ARAP2: variants seen among roughly 807,000 people sequenced by gnomAD.
The protein encoded by ARAP2 is ArfGAP with RhoGAP domain, ankyrin repeat and PH domain 2.
In ARAP2, 148 loss-of-function variants were observed where a neutral mutation model predicts 194.5. The ratio of observed to expected loss-of-function variants is 0.76; its 90% confidence interval spans 0.67 to 0.87. The LOEUF is 0.87. Ranked by LOEUF, ARAP2 falls within the 40% of genes least tolerant of loss-of-function variation. The pLI is 0.00. For synonymous variants in ARAP2, 695 were observed against 683.5 expected (o/e 1.02, Z -0.26); for missense variants, 2,128 against 1,989.7 (o/e 1.07, Z -1.32).
chr4:36,012,023 C>G (rs939365230), intron 9 of ARAP2, among the ~76,000 whole-genome samples: 2 of 152,030 alleles, frequency 1.3e-5, no homozygotes, highest in African/African-American at 4.8e-5. Context: ...GTGGAATGAT[C>G]ATAAAGGAAA....
At chr4:36,025,814 A>G (rs553328139) in intron 5 of ARAP2, among the ~76,000 whole-genome samples, 16 of 152,248 alleles carry the variant, frequency 1.1e-4, no homozygotes, top group Non-Finnish European at 2.2e-4. Context: ...TTATATTTCT[A>G]TTCATGACTA....
chr4:36,057,278 A>G (rs1047453738), intron 2 of ARAP2, among the ~76,000 whole-genome samples: 26 of 150,654 alleles, frequency 1.7e-4, no homozygotes, highest in African/African-American at 6.3e-4. Flanking sequence ...GGGTTTCGGT[A>G]TTCTCTGGAT....
At chr4:36,184,442 A>G (rs1257468632) in intron 8 of ARAP2, among the ~76,000 whole-genome samples, 2 of 152,196 alleles carry the variant, frequency 1.3e-5, no homozygotes, top group Non-Finnish European at 2.9e-5. Flanking sequence ...TCAAAAATTA[A>G]AGACCTACAA....
At chr4:36,152,746 G>A (rs1731300343) in intron 15 of ARAP2, among the ~76,000 whole-genome samples, 1 of 151,826 alleles carries the variant, frequency 6.6e-6, no homozygotes, top group African/African-American at 2.4e-5. Flanking sequence ...TTCTAAAGTA[G>A]CAAAAAATGC....
chr4:36,089,648 G>C (rs2109377211), intron 28 of ARAP2, among the ~76,000 whole-genome samples: 1 of 152,188 alleles, frequency 6.6e-6, no homozygotes, highest in South Asian at 2.1e-4. Flanking sequence ...GTAAAATAGT[G>C]TCTTGTGGTT....
chr4:36,167,032 G>A lies in ARAP2; in HGVS notation c.1873C>T (p.Leu625Phe). The part of the protein sequence containing the change: ...CKNEQDFKSG[L>F]GITIIPMNVA... ...TTCATAGGAATTATGGTAATACCAA[G>A]TCCACTCTTAAAATCCTAGTTTGGA... Residue 625 changes from leucine (L) to phenylalanine (F), a missense_variant, in exon 10 of 33, where the codon CTT becomes TTT. Leu to Phe is a conservative substitution (Grantham distance 22). Coordinates refer to ENST00000303965, the MANE Select transcript of ARAP2 (RefSeq NM_015230.4). 1 of 1,569,878 alleles carries A rather than the reference G, an allele frequency of 6.4e-7. No homozygotes were observed. The highest frequency in any genetic ancestry group is 8.6e-7 in the Non-Finnish European group (1 of 1,159,334).
chr4:36,212,520 A>C (rs1746986119), intron 4 of ARAP2, 33 bp from the exon 5 acceptor site: 1 of 1,506,868 alleles, frequency 6.6e-7, no homozygotes, highest in Non-Finnish European at 9.2e-7. Context: ...AAAAACACAT[A>C]CTGTTTTGCT....
At chr4:36,087,922 T>C (rs1712352712) in intron 28 of ARAP2, among the ~76,000 whole-genome samples, 4 of 152,094 alleles carry the variant, frequency 2.6e-5, no homozygotes, top group Admixed American at 2.6e-4. Context: ...TTATGTAATG[T>C]CTTTGAGAGT....
chr4:36,156,389 G>GAA (rs1560549116), intron 15 of ARAP2, among the ~76,000 whole-genome samples: 1 of 12,568 alleles, frequency 8.0e-5, no homozygotes, highest in Non-Finnish European at 1.4e-4. Context: ...AAGAGAGAGA[G>GAA]AGAAAGAAAG....
At chr4:36,120,668 A>C (rs928089541) in intron 23 of ARAP2, among the ~76,000 whole-genome samples, 1 of 151,704 alleles carries the variant, frequency 6.6e-6, no homozygotes, top group Non-Finnish European at 1.5e-5. Context: ...TTCTGATGAA[A>C]CATGAAAATA....
chr4:36,038,102 C>G (rs1056556167), intron 5 of ARAP2, among the ~76,000 whole-genome samples: 3 of 152,120 alleles, frequency 2.0e-5, no homozygotes, highest in Admixed American at 2.0e-4. Flanking sequence ...AACATTAGGC[C>G]TTTGGATGGC....
At chr4:36,080,768 T>C (rs975432958) in intron 30 of ARAP2, among the ~76,000 whole-genome samples, 2 of 152,184 alleles carry the variant, frequency 1.3e-5, no homozygotes, top group African/African-American at 4.8e-5. Context: ...AACCACTGCA[T>C]ATCCAATAAC....
chr4:36,112,527 A>G (rs775149159), intron 26 of ARAP2, among the ~76,000 whole-genome samples: 3 of 151,996 alleles, frequency 2.0e-5, no homozygotes, highest in Non-Finnish European at 2.9e-5. Context: ...ACGCACAAAT[A>G]TAACAAAGCT....
intron 5 of ARAP2, among the ~76,000 whole-genome samples, chr4:36,022,948 T>C (rs949097179): frequency 4.6e-5 from 7 of 152,162 alleles, no homozygotes; most frequent in African/African-American, 1.4e-4. Context: ...CAAGAAACTA[T>C]ATGAAAATCT....
At chr4:36,121,909 T>C (rs1213509422) in intron 22 of ARAP2, among the ~76,000 whole-genome samples, 1 of 151,736 alleles carries the variant, frequency 6.6e-6, no homozygotes, top group Non-Finnish European at 1.5e-5. Context: ...TTTTCTTGGA[T>C]ATAACTAAGA....
chr4:36,103,847 A>C, intron 27 of ARAP2, among the ~76,000 whole-genome samples: 1 of 151,952 alleles, frequency 6.6e-6, no homozygotes. Flanking sequence ...TAAATAGTTC[A>C]GATAAAGAAA....
chr4:36,164,890 T>C (rs780656444), intron 11 of ARAP2, 24 bp downstream of exon 11: 2 of 1,608,522 alleles, frequency 1.2e-6, no homozygotes, highest in East Asian at 4.5e-5. Flanking sequence ...AAAGCTGTGA[T>C]GAGCATAACT....
At chr4:36,168,298 G>A (rs888218890) in intron 9 of ARAP2, among the ~76,000 whole-genome samples, 2 of 152,160 alleles carry the variant, frequency 1.3e-5, no homozygotes, top group Non-Finnish European at 2.9e-5. Context: ...ACTGCTAGAA[G>A]CACAGAGTCA....
intron 14 of ARAP2, 130 bp from the exon 15 acceptor site, chr4:36,158,994 G>T (rs1733270788): frequency 3.4e-6 from 3 of 882,518 alleles, no homozygotes; most frequent in East Asian, 3.0e-5. Context: ...TAATTACAGA[G>T]ATACTTATTT....
Sources: gnomAD v4.1 joint callset for allele counts (sites outside exome capture counted in the v4.1 genomes callset) on GRCh38, gnomAD v4.1.1 for gene constraint, MANE v1.5 for transcripts, NCBI Gene and HGNC (gene_info 2026-07-23, HGNC 2026-07-21) for gene names.